The following CDKAL1 variants were observed in gnomAD, a reference collection of about 807,000 sequenced individuals.
The protein encoded by CDKAL1 is threonylcarbamoyladenosine tRNA methylthiotransferase.
A neutral mutation model predicts 68.2 loss-of-function variants in CDKAL1; 32 were observed. That is an observed-to-expected ratio of 0.47 (90% CI 0.35 to 0.63). The LOEUF (loss-of-function observed/expected upper bound fraction) is 0.63. CDKAL1 is among the 30% of genes least tolerant of loss of function. The pLI, the probability that CDKAL1 is intolerant of heterozygous loss-of-function variation, is 0.00. For missense variants in CDKAL1, 606 were observed against 696.7 expected (o/e 0.87, Z 1.47); for synonymous variants, 234 against 244.3 (o/e 0.96, Z 0.39).
In CDKAL1 at chr6:20,647,627, A is replaced by G. The variant is rs575459657; in HGVS notation, c.287-1666A>G. 5.3e-5 allele frequency among the ~76,000 whole-genome samples: 8 copies of G among 152,348 alleles called. No homozygotes were observed. The East Asian group carries it at 1.5e-3, about 29-fold the overall frequency. The stretch of plus-strand genomic sequence containing the variant: ...AGTCTGTTATAGGAATTCAGAGAAG[A>G]AAGAGTACTAGGATCAGATTGATAG... On this transcript the variant is annotated intron_variant, in intron 4 of 15. Coordinates refer to ENST00000274695, the MANE Select transcript of CDKAL1 (RefSeq NM_017774.3).
At chr6:20,891,527 T>C (rs1761396826) in intron 9 of CDKAL1, among the ~76,000 whole-genome samples, 1 of 123,644 alleles carries the variant, frequency 8.1e-6, no homozygotes, top group African/African-American at 3.1e-5. Context: ...TTTCTTTTCT[T>C]TTTTCTGTAT....
rs1581779681 is a variant in CDKAL1, at chr6:20,591,705, G to C, written c.286+43000G>C. Among the ~76,000 whole-genome samples the C allele has an allele frequency of 2.6e-5, 4 of 152,032 alleles. No individual in the cohort carries two copies. The East Asian group carries it at 5.8e-4, about 22-fold the overall frequency. ...GTAGATGTGTGGCATTATTTCTGAG[G>C]CCTCTATTCTGTTCCGTTGGTCTAT... On this transcript the variant is annotated intron_variant, in intron 4 of 15. Coordinates refer to ENST00000274695, the MANE Select transcript of CDKAL1 (RefSeq NM_017774.3).
chr6:21,198,946 C>T (rs1778578326), intron 14 of CDKAL1, among the ~76,000 whole-genome samples: 1 of 152,252 alleles, frequency 6.6e-6, no homozygotes, highest in African/African-American at 2.4e-5. Context: ...ACGCCCTCCT[C>T]TCCCATCTTA....
At chr6:20,622,251 T>G (rs1767228192) in intron 4 of CDKAL1, among the ~76,000 whole-genome samples, 1 of 152,162 alleles carries the variant, frequency 6.6e-6, no homozygotes, top group African/African-American at 2.4e-5. Context: ...TTGTTTTAAT[T>G]CTTCCTTGGG....
intron 13 of CDKAL1, chr6:21,135,900 A>C (rs1775572253): frequency 6.5e-6 from 1 of 152,962 alleles, no homozygotes; most frequent in South Asian, 2.1e-4. Flanking sequence ...TCGTCAGTAG[A>C]CTTTGATTAG....
intron 4 of CDKAL1, among the ~76,000 whole-genome samples, chr6:20,618,837 C>T (rs113453844): frequency 0.066 from 10,044 of 152,086 alleles, 447 homozygotes; most frequent in African/African-American, 0.12. Flanking sequence ...TGCCACCACA[C>T]CTACCTAATT....
chr6:20,578,086 C>G (rs1338094119), intron 4 of CDKAL1, among the ~76,000 whole-genome samples: 1 of 152,262 alleles, frequency 6.6e-6, no homozygotes, highest in African/African-American at 2.4e-5. Flanking sequence ...TTATTGTAAC[C>G]TTCCTTCCCC....
chr6:21,048,950 G>GA (rs760056472), intron 11 of CDKAL1, among the ~76,000 whole-genome samples: 3 of 151,026 alleles, frequency 2.0e-5, no homozygotes, highest in African/African-American at 4.9e-5. Context: ...AAGCAAGAGA[G>GA]AAAAGTTGAT....
intron 9 of CDKAL1, among the ~76,000 whole-genome samples, chr6:20,850,988 G>A (rs1758977947): frequency 6.7e-6 from 1 of 149,120 alleles, no homozygotes; most frequent in African/African-American, 2.5e-5. Context: ...AATTTCTTTT[G>A]TATATAAATT....
intron 13 of CDKAL1, among the ~76,000 whole-genome samples, chr6:21,130,859 G>T (rs1582263082): frequency 6.6e-6 from 1 of 152,292 alleles, no homozygotes; most frequent in East Asian, 1.9e-4. Context: ...TGAGAAGAAG[G>T]TATGGCAGAA....
At chr6:21,190,428 C>T (rs1180506226) in intron 13 of CDKAL1, among the ~76,000 whole-genome samples, 4 of 151,282 alleles carry the variant, frequency 2.6e-5, no homozygotes, top group African/African-American at 9.7e-5. Context: ...AGTGCAATGG[C>T]GTGATCTCAG....
intron 13 of CDKAL1, among the ~76,000 whole-genome samples, chr6:21,185,438 T>A (rs1260769039): frequency 6.6e-6 from 1 of 152,194 alleles, no homozygotes; most frequent in African/African-American, 2.4e-5. Flanking sequence ...TGGAAGAATT[T>A]TTAAATTATT....
At chr6:20,828,415 T>C (rs1394081553) in intron 8 of CDKAL1, among the ~76,000 whole-genome samples, 2 of 151,684 alleles carry the variant, frequency 1.3e-5, no homozygotes, top group South Asian at 2.1e-4. Context: ...TTTTAGTAGA[T>C]ACAGGGTTTT....
chr6:21,201,749 A>T (rs1778700531), intron 15 of CDKAL1, among the ~76,000 whole-genome samples: 2 of 152,206 alleles, frequency 1.3e-5, no homozygotes, highest in South Asian at 4.1e-4. Context: ...TACTTTAGTC[A>T]TGTGGAGTGA....
At chr6:21,006,994 A>G (rs932021800) in intron 11 of CDKAL1, among the ~76,000 whole-genome samples, 1 of 152,222 alleles carries the variant, frequency 6.6e-6, no homozygotes, top group Non-Finnish European at 1.5e-5. Flanking sequence ...TAGTAGAATA[A>G]TAACGTTTTT....
intron 8 of CDKAL1, among the ~76,000 whole-genome samples, chr6:20,809,519 TG>T (rs1355932548): frequency 6.6e-6 from 1 of 152,202 alleles, no homozygotes; most frequent in Non-Finnish European, 1.5e-5. Context: ...GAATGATTTT[TG>T]GATCTGGAGT....
In CDKAL1 at chr6:20,721,725, G is replaced by GTTTTTTT. The variant is rs145893325; in HGVS notation, c.372-17775_372-17769dup. Among the ~76,000 whole-genome samples the GTTTTTTT allele has an allele frequency of 4.3e-4, 29 of 67,376 alleles. 1 individual carries two copies. The highest frequency in any genetic ancestry group is 1.2e-3 in the African/African-American group (20 of 16,682). The allele number at this position is 67,376 out of a possible 152,430, so 44.2% of individuals were successfully genotyped here. On this transcript the variant is annotated intron_variant, in intron 5 of 15. Coordinates refer to ENST00000274695, the MANE Select transcript of CDKAL1 (RefSeq NM_017774.3). ...CTTCTCTGCACCCTGACCAACTTCT[G>GTTTTTTT]TTTTTTTTTTTTTTTTTTTTTTTTT...
At chr6:20,562,218 A>C (rs928646222) in intron 4 of CDKAL1, among the ~76,000 whole-genome samples, 6 of 151,844 alleles carry the variant, frequency 4.0e-5, no homozygotes, top group Non-Finnish European at 8.8e-5. Flanking sequence ...GGCATATTGT[A>C]AGGGTGGGAA....
At chr6:20,720,959 GTATT>G (rs1210348280) in intron 5 of CDKAL1, among the ~76,000 whole-genome samples, 3 of 152,038 alleles carry the variant, frequency 2.0e-5, no homozygotes, top group African/African-American at 2.4e-5. Context: ...TTCTTTTTAT[GTATT>G]TATTTATTTT....
Sources: allele counts gnomAD v4.1 joint callset (sites outside exome capture counted in the v4.1 genomes callset), GRCh38; gene constraint gnomAD v4.1.1; transcripts MANE v1.5; gene names NCBI Gene and HGNC (gene_info 2026-07-23, HGNC 2026-07-21).